Variants in CFH observed in about 807,000 individuals in gnomAD.
CFH encodes the protein complement factor H.
In CFH, 53 loss-of-function variants were observed where a neutral mutation model predicts 147.3. That is an observed-to-expected ratio of 0.36 (90% confidence interval 0.29 to 0.45). The LOEUF (loss-of-function observed/expected upper bound fraction) is 0.45. CFH is among the 20% of genes least tolerant of loss of function. CFH has a pLI of 1.00. For missense variants in CFH, 1,380 were observed against 1,498.0 expected (o/e 0.92, Z 1.30); for synonymous variants, 536 against 489.4 (o/e 1.10, Z -1.26).
chr1:196,687,834 G>T (rs559483857), intron 7 of CFH, among the ~76,000 whole-genome samples: 1 of 152,010 alleles, frequency 6.6e-6, no homozygotes, highest in African/African-American at 2.4e-5. Flanking sequence ...GGGAGCTTCA[G>T]ATAAATAGGG....
intron 1 of CFH, among the ~76,000 whole-genome samples, chr1:196,660,199 T>C (rs770216817): frequency 2.8e-4 from 43 of 152,144 alleles, no homozygotes; most frequent in Non-Finnish European, 5.0e-4. Flanking sequence ...GTAAAATTAT[T>C]CTAAGAGGAG....
intron 15 of CFH, 55 bp from the exon 16 acceptor site, chr1:196,736,769 A>T (rs1196381516): frequency 3.3e-6 from 3 of 910,478 alleles, no homozygotes; most frequent in African/African-American, 3.5e-5. Flanking sequence ...TAATTTTAAT[A>T]TTTTTATTTT....
At chr1:196,668,455 T>A (rs1189572031) in intron 1 of CFH, among the ~76,000 whole-genome samples, 4 of 152,098 alleles carry the variant, frequency 2.6e-5, no homozygotes, top group African/African-American at 4.8e-5. Context: ...GGAAAAAAAA[T>A]GTTTCCTCTG....
Position 196,663,136 on chromosome 1 carries a change from T to C in CFH, c.59-9842T>C, listed in dbSNP as rs963513007. 6.6e-5 allele frequency among the ~76,000 whole-genome samples: 10 copies of C among 152,316 alleles called. No individual in the cohort carries two copies. The Middle Eastern group carries it at 0.01, about 155-fold the overall frequency. Reference sequence around the variant, plus strand: ...TATGATGCATATAGGTGTGTTTTTTTACTGCTTGGAATTTTTTAATTCTTG... The same window carrying C: ...TATGATGCATATAGGTGTGTTTTTTCACTGCTTGGAATTTTTTAATTCTTG... On this transcript the variant is annotated intron_variant, in intron 1 of 21. Transcript: ENST00000367429.
rs1668188017 is a variant in CFH, at chr1:196,694,635, T to G, written c.1336+4396T>G. ...CACTCCCACCAACAGAGTAAAACTT[T>G]CCTATTTCTCCGCATCCTCGCCAGC... is the stretch of plus-strand genomic sequence containing the variant. On this transcript the variant is annotated intron_variant, in intron 9 of 21. Transcript: ENST00000367429. 3.3e-5 allele frequency among the ~76,000 whole-genome samples: 5 copies of G among 152,348 alleles called. No homozygotes were observed. The South Asian group carries it at 1.0e-3, about 32-fold the overall frequency.
At chr1:196,704,008 CAG>C (rs1244043031) in intron 9 of CFH, among the ~76,000 whole-genome samples, 3 of 113,636 alleles carry the variant, frequency 2.6e-5, no homozygotes, top group South Asian at 3.1e-4. Context: ...AAAAAAAAGA[CAG>C]AGTTTTTCTA....
chr1:196,719,123 G>A (rs1222909853), intron 11 of CFH, among the ~76,000 whole-genome samples: 1 of 151,934 alleles, frequency 6.6e-6, no homozygotes, highest in African/African-American at 2.4e-5. Context: ...CTAGTACTAG[G>A]ACTTAGGGTT....
At chr1:196,679,883 T>C (rs1667590300) in intron 6 of CFH, 90 bp downstream of exon 6, 3 of 1,171,758 alleles carry the variant, frequency 2.6e-6, no homozygotes, top group South Asian at 2.8e-5. Flanking sequence ...TAATCAAAAG[T>C]AGAGTGCTAA....
intron 1 of CFH, among the ~76,000 whole-genome samples, chr1:196,671,967 C>G (rs1177252985): frequency 6.6e-6 from 1 of 151,250 alleles, no homozygotes; most frequent in African/African-American, 2.4e-5. Flanking sequence ...AAATATCATC[C>G]AGAGTGACTT....
At chr1:196,675,091 C>A (rs903784088) in intron 3 of CFH, among the ~76,000 whole-genome samples, 2 of 152,094 alleles carry the variant, frequency 1.3e-5, no homozygotes, top group African/African-American at 4.8e-5. Context: ...AATTTGCTAC[C>A]TTCCTCACCT....
In CFH at chr1:196,694,334, C is replaced by A. The variant is rs541180287; in HGVS notation, c.1336+4095C>A. Among the ~76,000 whole-genome samples the A allele has an allele frequency of 9.0e-4, 137 of 152,272 alleles. 1 individual carries two copies. The highest frequency in any genetic ancestry group is 3.2e-3 in the African/African-American group (132 of 41,536). ...TCCATGTCCCTGCAAAGGACACGAACTCATTCAATTTATGGCTGCATAGTA... is the reference window on the plus strand; with the variant it reads ...TCCATGTCCCTGCAAAGGACACGAAATCATTCAATTTATGGCTGCATAGTA... On this transcript the variant is annotated intron_variant, in intron 9 of 21. Transcript: ENST00000367429.
At chr1:196,729,532 G>A (rs1050893931) in intron 15 of CFH, among the ~76,000 whole-genome samples, 4 of 151,862 alleles carry the variant, frequency 2.6e-5, no homozygotes, top group African/African-American at 9.7e-5. Context: ...TGTTCATCAG[G>A]GGATTTTGCC....
At chr1:196,684,834 T>C (rs978708659) in intron 6 of CFH, among the ~76,000 whole-genome samples, 2 of 151,984 alleles carry the variant, frequency 1.3e-5, no homozygotes, top group Admixed American at 1.3e-4. Flanking sequence ...GGGATGACTT[T>C]GGAGAAGAAG....
rs1248319211 is a variant in CFH, at chr1:196,726,482, C to T, written c.1886C>T (p.Ser629Leu). The change falls in exon 13 of 22, where the codon TCA (serine) becomes TTA (leucine). Residue 629 changes from serine to leucine, a missense_variant. Transcript: ENST00000367429. ...DLPICKEQVQ[S>L]CGPPPELLNG... ...ATTTCTACTATAGAGCAAGTACAAT[C>T]ATGTGGTCCACCTCCTGAACTCCTC... 2 of 1,610,212 alleles carry T rather than the reference C, an allele frequency of 1.2e-6. No individual in the cohort carries two copies. Among genetic ancestry groups the T allele is most frequent in the African/African-American group, 1.3e-5 (1 of 74,812 alleles).
In CFH at chr1:196,673,975, T is replaced by C. The variant is rs768478863; in HGVS notation, c.350+13T>C. On this transcript the variant is annotated intron_variant, in intron 3 of 21. Transcript: ENST00000367429. ...CATGTAATGAGGGGTATGTAGTCCA[T>C]ACGAAAAGAGGTTTATAATTAAGAT... 18 of 1,531,458 alleles carry C rather than the reference T, an allele frequency of 1.2e-5. No homozygotes were observed. Among genetic ancestry groups the C allele is most frequent in the Admixed American group, 1.7e-5 (1 of 59,914 alleles). 94.9% of individuals were successfully genotyped at this position (1,531,458 alleles called of 1,614,324 possible). A position where few individuals can be genotyped will look rare whatever the true frequency, so the allele number is the denominator to read the frequency against.
At chr1:196,695,912 T>C (rs1668248316) in intron 9 of CFH, among the ~76,000 whole-genome samples, 3 of 152,054 alleles carry the variant, frequency 2.0e-5, no homozygotes, top group African/African-American at 7.2e-5. Flanking sequence ...GTTGAGACAG[T>C]GGGGTTTTCT....
intron 9 of CFH, among the ~76,000 whole-genome samples, chr1:196,692,750 CTTTCTT>C (rs1558163571): frequency 7.7e-4 from 6 of 7,760 alleles, no homozygotes; most frequent in Non-Finnish European, 8.3e-4. Context: ...CTTTCTTTTT[CTTTCTT>C]TCTTTCTTTC....
chr1:196,664,699 A>G (rs979495408), intron 1 of CFH, among the ~76,000 whole-genome samples: 1 of 152,194 alleles, frequency 6.6e-6, no homozygotes, highest in African/African-American at 2.4e-5. Context: ...AATTTTATGC[A>G]CATAATTAAA....
chr1:196,740,645 A>T lies in CFH; in HGVS notation c.2809A>T (p.Ile937Phe). 1 of 1,613,726 alleles carries T rather than the reference A, an allele frequency of 6.2e-7. No homozygotes were observed. The highest frequency in any genetic ancestry group is 8.5e-7 in the Non-Finnish European group (1 of 1,179,896). Reference sequence around the variant, plus strand: ...CCTTCCTTGTAAATCTCCACCTGAGATTTCTCATGGTGTTGTAGCTCACAT... The same window carrying T: ...CCTTCCTTGTAAATCTCCACCTGAGTTTTCTCATGGTGTTGTAGCTCACAT... ...EGLPCKSPPE[I>F]SHGVVAHMSD... The change falls in exon 18 of 22, where the codon ATT becomes TTT. Residue 937 changes from isoleucine to phenylalanine, a missense_variant. By Grantham distance (21) the Ile-to-Phe change is conservative (BLOSUM62 0). Transcript: ENST00000367429.
Sources: gnomAD v4.1 joint callset for allele counts (sites outside exome capture counted in the v4.1 genomes callset) on GRCh38, gnomAD v4.1.1 for gene constraint, MANE v1.5 for transcripts, NCBI Gene and HGNC (gene_info 2026-07-23, HGNC 2026-07-21) for gene names.